The following KSR1 variants were observed in gnomAD, a reference collection of about 807,000 sequenced individuals.
KSR1 encodes the protein kinase suppressor of ras.
In KSR1, 35 loss-of-function variants were observed where a neutral mutation model predicts 92.9. The ratio of observed to expected loss-of-function variants is 0.38; its 90% CI spans 0.29 to 0.50. The LOEUF is 0.50. Among genes scored for constraint, KSR1 ranks in the 20% least tolerant of loss-of-function variants. KSR1 has a pLI of 0.94. For missense variants in KSR1, 972 were observed against 1,158.5 expected (o/e 0.84, Z 2.34); for synonymous variants, 467 against 472.6 (o/e 0.99, Z 0.15).
chr17:27,555,491 C>T (rs2071556534), intron 2 of KSR1, among the ~76,000 whole-genome samples: 1 of 147,500 alleles, frequency 6.8e-6, no homozygotes, highest in Non-Finnish European at 1.5e-5. Context: ...TGACATTGCC[C>T]ATCCTTCAGT....
At chr17:27,580,810 G>A (rs968115075) in intron 3 of KSR1, among the ~76,000 whole-genome samples, 4 of 152,026 alleles carry the variant, frequency 2.6e-5, no homozygotes, top group East Asian at 1.9e-4. Context: ...TTTATGAGAC[G>A]GCCTGGAGTG....
rs572271422 is a variant in KSR1, at chr17:27,459,924, G to C, written c.231+3050G>C. ...AAGGAGCTGAGACTTAACGTTTGCT[G>C]CCTGTGTGCCTAGCAGCGTGCCTGA... is the stretch of plus-strand genomic sequence containing the variant. On this transcript the variant is annotated intron_variant, in intron 1 of 20. Coordinates refer to ENST00000644974, the MANE Select transcript of KSR1 (RefSeq NM_001394583.1). The surrounding 1 kb of genome is among the most constrained non-coding windows in gnomAD (Gnocchi z 4.6). Among the ~76,000 whole-genome samples, 1 of 152,326 alleles carries C rather than the reference G, an allele frequency of 6.6e-6. No homozygotes were observed. The highest frequency in any genetic ancestry group is 2.4e-5 in the African/African-American group (1 of 41,564).
At chr17:27,605,158 A>C (rs1344212360) in intron 13 of KSR1, among the ~76,000 whole-genome samples, 1 of 152,232 alleles carries the variant, frequency 6.6e-6, no homozygotes, top group Non-Finnish European at 1.5e-5. Flanking sequence ...TTTCCTGGAC[A>C]ATTAGATGTT....
chr17:27,589,212 T>G (rs73274047), intron 6 of KSR1, among the ~76,000 whole-genome samples: 1 of 152,146 alleles, frequency 6.6e-6, no homozygotes, highest in Non-Finnish European at 1.5e-5. Context: ...CCTTCCCAAA[T>G]CCTGTGAGGC....
intron 11 of KSR1, among the ~76,000 whole-genome samples, chr17:27,603,379 G>A (rs868339692): frequency 2.0e-5 from 3 of 152,228 alleles, no homozygotes; most frequent in Non-Finnish European, 2.9e-5. Context: ...TCCTGCCACC[G>A]GCCTTGCTGG....
rs1269199034 is a variant in KSR1, at chr17:27,605,667, T to A, written c.1848T>A (p.Ile616=). ...HRGRWHGEVA[I]RLLEMDGHNQ... ...GCCGCTGGCATGGCGAGGTGGCCAT[T>A]CGCCTGCTGGAGATGGACGGCCACA... is the stretch of plus-strand genomic sequence containing the variant. The change falls in exon 14 of 21, where the codon ATT becomes ATA. Residue 616 remains isoleucine, a synonymous_variant. Coordinates refer to ENST00000644974, the MANE Select transcript of KSR1 (RefSeq NM_001394583.1). The A allele has an allele frequency of 6.2e-7, 1 of 1,612,506 alleles. No homozygotes were observed. Among genetic ancestry groups the A allele is most frequent in the Admixed American group, 1.7e-5 (1 of 59,972 alleles).
intron 1 of KSR1, among the ~76,000 whole-genome samples, chr17:27,490,959 G>A (rs2068804316): frequency 1.3e-5 from 2 of 152,108 alleles, no homozygotes; most frequent in South Asian, 4.1e-4. Flanking sequence ...TAGATCTATG[G>A]ACTGTCTTGG....
intron 1 of KSR1, among the ~76,000 whole-genome samples, chr17:27,464,791 A>C (rs2019606892): frequency 1.3e-5 from 2 of 151,910 alleles, no homozygotes; most frequent in Admixed American, 1.3e-4. Context: ...AAGATAATGT[A>C]AAAATTCTTT....
At chr17:27,594,982 T>G (rs1418086494) in intron 9 of KSR1, among the ~76,000 whole-genome samples, 1 of 152,192 alleles carries the variant, frequency 6.6e-6, no homozygotes, top group East Asian at 1.9e-4. Context: ...GTCCTGAGCC[T>G]TGGAGCATGA....
chr17:27,481,394 A>G (rs2068504870), intron 1 of KSR1, among the ~76,000 whole-genome samples: 1 of 152,182 alleles, frequency 6.6e-6, no homozygotes, highest in South Asian at 2.1e-4. Flanking sequence ...CAATTCTTTA[A>G]TTCTGTCTCT....
Position 27,460,739 on chromosome 17 carries a change from A to G in KSR1, c.231+3865A>G, listed in dbSNP as rs571554669. Reference sequence around the variant, plus strand: ...CGTGTGGGGGACCTGAGCTCTCCCTATGCCTCCCAGGAGCATCTGATGATG... The same window carrying G: ...CGTGTGGGGGACCTGAGCTCTCCCTGTGCCTCCCAGGAGCATCTGATGATG... On this transcript the variant is annotated intron_variant, in intron 1 of 20. Coordinates refer to ENST00000644974, the MANE Select transcript of KSR1 (RefSeq NM_001394583.1). 2.8e-4 allele frequency among the ~76,000 whole-genome samples: 42 copies of G among 152,218 alleles called. No individual in the cohort carries two copies. The South Asian group carries it at 5.8e-3, about 21-fold the overall frequency.
At chr17:27,486,210 C>T (rs1233443833) in intron 1 of KSR1, among the ~76,000 whole-genome samples, 1 of 152,224 alleles carries the variant, frequency 6.6e-6, no homozygotes, top group East Asian at 1.9e-4. Flanking sequence ...TTCTTCTGCA[C>T]AGCCCTTCGA....
At chr17:27,592,684 AGCACCCCT>A in intron 9 of KSR1, 58 bp downstream of exon 9, 1 of 1,422,066 alleles carries the variant, frequency 7.0e-7, no homozygotes, top group East Asian at 2.4e-5. Context: ...CTTCCTATAA[AGCACCCCT>A]GCCTCAGAGG....
chr17:27,461,568 C>G (rs1340914972), intron 1 of KSR1, among the ~76,000 whole-genome samples: 2 of 152,262 alleles, frequency 1.3e-5, no homozygotes, highest in Non-Finnish European at 2.9e-5. Flanking sequence ...TGAAGAGATA[C>G]AGAGCTGGGG....
chr17:27,623,702 G>T lies in KSR1; in HGVS notation c.*310G>T, dbSNP rs774741031. ...AAAAACAGTCTGTGCAGATGCACTG[G>T]CACTGACGGCCAGGATGGCGGAAAT... On this transcript the variant is annotated 3_prime_UTR_variant, in exon 21 of 21. Transcript: ENST00000644974. 2 of 571,180 alleles carry T rather than the reference G, an allele frequency of 3.5e-6. No homozygotes were observed. The highest frequency in any genetic ancestry group is 3.6e-5 in the Admixed American group (1 of 27,860). 35.4% of individuals were successfully genotyped at this position (571,180 alleles called of 1,614,324 possible). A position where few individuals can be genotyped will look rare whatever the true frequency, so the allele number is the denominator to read the frequency against.
chr17:27,585,949 T>G, intron 5 of KSR1: 3 of 359,768 alleles, frequency 8.3e-6, no homozygotes, highest in Non-Finnish European at 1.5e-5. Context: ...ACCTTGCCCT[T>G]CCCCACCGAG....
Position 27,588,135 on chromosome 17 carries a change from G to A in KSR1, c.986-340G>A, listed in dbSNP as rs549032933. On this transcript the variant is annotated intron_variant, in intron 5 of 20. Transcript: ENST00000644974. The stretch of plus-strand genomic sequence containing the variant: ...GTGGTGTGTCGGTGAGAGGTTGCAA[G>A]AGGTTGGGCTGTGTAGAAGCTTCTG... 1.9e-3 allele frequency: 337 copies of A among 173,362 alleles called. 1 individual carries two copies. The highest frequency in any genetic ancestry group is 3.2e-3 in the Non-Finnish European group (261 of 82,140). The allele number at this position is 173,362 out of a possible 1,614,324, so 10.7% of individuals were successfully genotyped here.
chr17:27,623,535 A>G lies in KSR1; in HGVS notation c.*143A>G, dbSNP rs762399769. 15 of 673,372 alleles carry G rather than the reference A, an allele frequency of 2.2e-5. No individual in the cohort carries two copies. In the African/African-American group the frequency reaches 2.5e-4, roughly 11 times the overall value. The allele number at this position is 673,372 out of a possible 1,614,324, so 41.7% of individuals were successfully genotyped here. On this transcript the variant is annotated 3_prime_UTR_variant, in exon 21 of 21. Coordinates refer to ENST00000644974, the MANE Select transcript of KSR1 (RefSeq NM_001394583.1). ...ACGTCCTAGATTCAGACTGTTGGCC[A>G]TAAACCCCACTCGGGAGATGGAGCT...
rs940106731 is a variant in KSR1, at chr17:27,577,364, C to T, written c.373-128C>T. 5.8e-5 allele frequency: 36 copies of T among 616,336 alleles called. No individual in the cohort carries two copies. In the African/African-American group the frequency reaches 6.8e-4, roughly 12 times the overall value. The allele number at this position is 616,336 out of a possible 1,614,324, so 38.2% of individuals were successfully genotyped here. On this transcript the variant is annotated intron_variant, in intron 2 of 20. Coordinates refer to ENST00000644974, the MANE Select transcript of KSR1 (RefSeq NM_001394583.1). This position sits in a 1 kb window ranked among gnomAD's most constrained non-coding sequence, Gnocchi z 4.5. The stretch of plus-strand genomic sequence containing the variant: ...GCTTGTGTCCCCAAGCACGTGGTGG[C>T]TCTGGTCAGAGGCCGGCCCAGCCAG...
Sources: gnomAD v4.1 joint callset for allele counts (sites outside exome capture counted in the v4.1 genomes callset) on GRCh38, gnomAD v4.1.1 for gene constraint, Gnocchi (gnomAD v3.1) non-coding constraint, MANE v1.5 for transcripts, NCBI Gene and HGNC (gene_info 2026-07-23, HGNC 2026-07-21) for gene names.